SRGAP3: variants seen among roughly 807,000 people sequenced by gnomAD.
SRGAP3 encodes the protein SLIT-ROBO Rho GTPase activating protein 3.
A neutral mutation model predicts 121.1 loss-of-function variants in SRGAP3; 39 were observed. The observed-to-expected ratio is 0.32, with a 90% confidence interval of 0.25 to 0.42. SRGAP3 has a LOEUF of 0.42. Ranked by LOEUF, SRGAP3 falls within the 10% of genes least tolerant of loss-of-function variation. The pLI is 1.00. For missense variants in SRGAP3, 1,213 were observed against 1,470.6 expected (o/e 0.82, Z 2.86); for synonymous variants, 601 against 570.0 (o/e 1.05, Z -0.77).
chr3:9,169,657 C>T lies in SRGAP3; in HGVS notation c.68-44740G>A, dbSNP rs373079593. Among the ~76,000 whole-genome samples the T allele has an allele frequency of 7.9e-5, 12 of 152,190 alleles. No homozygotes were observed. The East Asian group carries it at 1.2e-3, about 15-fold the overall frequency. ...TCAACACTTGGGAAACTCAAAGTAG[C>T]CATACTTGGCATCAATTAGGCCAAC... is the stretch of plus-strand genomic sequence containing the variant. On this transcript the variant is annotated intron_variant, in intron 1 of 21. Transcript: ENST00000383836.
chr3:9,316,453 T>C (rs1955347888), intron 3 of SRGAP3, among the ~76,000 whole-genome samples: 2 of 151,140 alleles, frequency 1.3e-5, no homozygotes, highest in African/African-American at 2.4e-5. Flanking sequence ...TGTCAGGAGA[T>C]TGAGACCATC....
At chr3:9,361,440 T>G (rs1317598874) in intron 1 of SRGAP3, among the ~76,000 whole-genome samples, 4 of 152,120 alleles carry the variant, frequency 2.6e-5, no homozygotes, top group African/African-American at 9.7e-5. Flanking sequence ...TTTTTGGTTT[T>G]GTTTTGTTTT....
intron 3 of SRGAP3, among the ~76,000 whole-genome samples, chr3:9,082,261 C>T (rs918699238): frequency 6.6e-6 from 1 of 152,220 alleles, no homozygotes; most frequent in African/African-American, 2.4e-5. Flanking sequence ...CCTGTACAGC[C>T]TGCAGAACTG....
intron 20 of SRGAP3, 112 bp downstream of exon 20, chr3:8,992,794 G>A: frequency 6.3e-7 from 1 of 1,590,646 alleles, no homozygotes; most frequent in Non-Finnish European, 8.6e-7. Context: ...ATTTTGTGGG[G>A]AACAAGGGGC....
intron 1 of SRGAP3, among the ~76,000 whole-genome samples, chr3:9,181,183 T>C (rs766598777): frequency 6.6e-6 from 1 of 152,194 alleles, no homozygotes; most frequent in Non-Finnish European, 1.5e-5. Context: ...ATGTGTGAAA[T>C]GTACCGGGAA....
intron 9 of SRGAP3, among the ~76,000 whole-genome samples, chr3:9,048,696 G>A (rs917447989): frequency 6.6e-6 from 1 of 152,064 alleles, no homozygotes; most frequent in African/African-American, 2.4e-5. Flanking sequence ...CTGGGGGTGT[G>A]TGCTGTGGTG....
At chr3:9,209,826 T>C (rs1394391022) in intron 1 of SRGAP3, among the ~76,000 whole-genome samples, 5 of 152,184 alleles carry the variant, frequency 3.3e-5, no homozygotes, top group South Asian at 2.1e-4. Flanking sequence ...TATGTACACA[T>C]AGAGATTTGC....
chr3:9,231,715 A>C (rs529625393), intron 1 of SRGAP3, among the ~76,000 whole-genome samples: 2 of 152,274 alleles, frequency 1.3e-5, no homozygotes, highest in East Asian at 3.9e-4. Context: ...AAACAACCCC[A>C]CTGTAATAGC....
chr3:9,274,969 G>A (rs1336207620), intron 3 of SRGAP3, among the ~76,000 whole-genome samples: 1 of 151,938 alleles, frequency 6.6e-6, no homozygotes, highest in Non-Finnish European at 1.5e-5. Context: ...GGGTGGTTTT[G>A]GAAAAGGCAA....
intron 1 of SRGAP3, among the ~76,000 whole-genome samples, chr3:9,176,829 T>C (rs1154385): frequency 0.22 from 33,371 of 152,118 alleles, 4,215 homozygotes; most frequent in Admixed American, 0.3. Flanking sequence ...ATTCCTCCTC[T>C]ACCCTGACCC....
intron 3 of SRGAP3, among the ~76,000 whole-genome samples, chr3:9,093,125 C>A (rs1179244795): frequency 6.6e-6 from 1 of 152,104 alleles, no homozygotes; most frequent in African/African-American, 2.4e-5. Context: ...GGCTTTCTCC[C>A]TCTCTACATT....
intron 1 of SRGAP3, among the ~76,000 whole-genome samples, chr3:9,345,785 C>CAAAAAAAAA (rs34225108): frequency 7.7e-5 from 5 of 65,242 alleles, no homozygotes; most frequent in Admixed American, 1.7e-4. Context: ...GACTCCAACT[C>CAAAAAAAAA]AAAAAAAAAA....
At chr3:9,212,496 C>T (rs1051541135) in intron 1 of SRGAP3, among the ~76,000 whole-genome samples, 10 of 126,854 alleles carry the variant, frequency 7.9e-5, no homozygotes, top group Middle Eastern at 7.4e-3. Context: ...CTGAGGCAGG[C>T]GGATCACGAG....
chr3:9,083,815 A>G (rs1389777825), intron 3 of SRGAP3, among the ~76,000 whole-genome samples: 1 of 151,210 alleles, frequency 6.6e-6, no homozygotes, highest in African/African-American at 2.4e-5. Context: ...GCTCCCTCAC[A>G]CGCTCCTGAC....
intron 11 of SRGAP3, chr3:9,036,614 CCT>C (rs1402307744): frequency 1.3e-5 from 2 of 152,264 alleles, no homozygotes; most frequent in African/African-American, 4.8e-5. Flanking sequence ...TCAACTTTCC[CCT>C]GAGGGAAGAC....
intron 3 of SRGAP3, among the ~76,000 whole-genome samples, chr3:9,099,068 C>G (rs1948103185): frequency 6.6e-6 from 1 of 152,216 alleles, no homozygotes; most frequent in African/African-American, 2.4e-5. Flanking sequence ...AAAAAATAAA[C>G]TTGGCTTTGA....
At chr3:9,246,268 G>C (rs1247849546) in intron 1 of SRGAP3, among the ~76,000 whole-genome samples, 2 of 152,198 alleles carry the variant, frequency 1.3e-5, no homozygotes, top group Non-Finnish European at 2.9e-5. Context: ...TGTCTGACTA[G>C]GTGGACTTTT....
intron 4 of SRGAP3, among the ~76,000 whole-genome samples, chr3:9,074,321 C>A (rs550233935): frequency 1.3e-5 from 2 of 152,322 alleles, no homozygotes; most frequent in South Asian, 4.1e-4. Flanking sequence ...TACTCTATGA[C>A]AATCACTCTC....
intron 13 of SRGAP3, 45 bp downstream of exon 13, chr3:9,026,890 C>A: frequency 6.3e-7 from 1 of 1,596,422 alleles, no homozygotes; most frequent in Non-Finnish European, 8.6e-7. Flanking sequence ...AGCCTAGCAC[C>A]TGTTCTGCAG....
Sources: allele counts gnomAD v4.1 joint callset (sites outside exome capture counted in the v4.1 genomes callset), GRCh38; gene constraint gnomAD v4.1.1; transcripts MANE v1.5; gene names NCBI Gene and HGNC (gene_info 2026-07-23, HGNC 2026-07-21).